Variants in NDUFAB1 observed in about 807,000 individuals in gnomAD.
NDUFAB1 encodes NADH:ubiquinone oxidoreductase subunit AB1, also known as acyl carrier protein, mitochondrial.
NDUFAB1 carries 5 observed loss-of-function variants against 16.1 expected under a neutral mutation model. The ratio of observed to expected loss-of-function variants is 0.31; its 90% CI spans 0.16 to 0.65. The LOEUF is 0.65. Ranked by LOEUF, NDUFAB1 falls within the 30% of genes least tolerant of loss-of-function variation. The pLI, the probability that NDUFAB1 is intolerant of heterozygous loss-of-function variation, is 0.77. For missense variants in NDUFAB1, 187 were observed against 205.3 expected, an observed-to-expected ratio of 0.91 and a Z score of 0.54; for synonymous variants, 85 against 78.4, an observed-to-expected ratio of 1.08 and a Z score of -0.44.
chr16:23,586,053 G>T (rs906175710), intron 2 of NDUFAB1, among the ~76,000 whole-genome samples: 1 of 151,104 alleles, frequency 6.6e-6, no homozygotes, highest in Admixed American at 6.6e-5. Context: ...TCAGACTCCC[G>T]AGTAGCTGGG....
chr16:23,581,486 C>T (rs1966179239), intron 4 of NDUFAB1, among the ~76,000 whole-genome samples: 1 of 149,486 alleles, frequency 6.7e-6, no homozygotes, highest in Non-Finnish European at 1.5e-5. Flanking sequence ...GCGGAGGTTG[C>T]AGTGAGCCGA....
rs370529914 is a variant in NDUFAB1 at position 23,585,376 on chromosome 16, C to T, written c.339G>A (p.Leu113=). The T allele has an allele frequency of 6.2e-6, 10 of 1,613,968 alleles. No homozygotes were observed. Among genetic ancestry groups the T allele is most frequent in the Non-Finnish European group, 7.6e-6 (9 of 1,179,894 alleles). The change falls in exon 3 of 5, where the codon TTG becomes TTA. Residue 113 remains leucine, a synonymous_variant. Transcript: ENST00000007516. ...HFMKDLGLDS[L]DQVEIIMAME... is the part of the protein sequence containing the mutation. Reference sequence around the variant, plus strand: ...TGGCCATGATAATCTCCACTTGGTCCAAACTGTCTAAGCCCAGGTCTTTCA... The same window carrying T: ...TGGCCATGATAATCTCCACTTGGTCTAAACTGTCTAAGCCCAGGTCTTTCA...
intron 1 of NDUFAB1, among the ~76,000 whole-genome samples, chr16:23,592,382 G>C (rs1349953973): frequency 6.6e-6 from 1 of 151,612 alleles, no homozygotes; most frequent in Non-Finnish European, 1.5e-5. Flanking sequence ...CAGTGCCTGT[G>C]TCTATGTGAG....
At chr16:23,584,255 T>TTAAAAAAAAAAAAA (rs1491184220) in intron 3 of NDUFAB1, among the ~76,000 whole-genome samples, 1 of 34,052 alleles carries the variant, frequency 2.9e-5, no homozygotes, top group African/African-American at 1.0e-4. Flanking sequence ...AATGATCAAT[T>TTAAAAAAAAAAAAA]AAAAAAAAAA....
intron 3 of NDUFAB1, among the ~76,000 whole-genome samples, chr16:23,583,314 T>C (rs1966199226): frequency 7.2e-6 from 1 of 138,668 alleles, no homozygotes; most frequent in Non-Finnish European, 1.5e-5. Flanking sequence ...CCGGCCGCCA[T>C]CCTGTCTAGG....
At chr16:23,590,333 C>T (rs1339133510) in intron 1 of NDUFAB1, among the ~76,000 whole-genome samples, 2 of 152,202 alleles carry the variant, frequency 1.3e-5, no homozygotes, top group Non-Finnish European at 2.9e-5. Context: ...TATGCCTGCA[C>T]CATGGTGCTG....
intron 1 of NDUFAB1, among the ~76,000 whole-genome samples, chr16:23,591,722 C>T (rs1463499740): frequency 6.6e-6 from 1 of 152,204 alleles, no homozygotes; most frequent in Non-Finnish European, 1.5e-5. Flanking sequence ...CTTCCAGACA[C>T]CCTAAGAGTC....
At chr16:23,584,248 G>T (rs188556000) in intron 3 of NDUFAB1, among the ~76,000 whole-genome samples, 122 of 4,002 alleles carry the variant, frequency 0.03, 4 homozygotes, top group Middle Eastern at 0.17. Context: ...ACCCAAGAAT[G>T]ATCAATTAAA....
chr16:23,595,633 A>G (rs530557867), intron 1 of NDUFAB1: 2 of 457,250 alleles, frequency 4.4e-6, no homozygotes, highest in East Asian at 1.4e-4. Flanking sequence ...ACACAGGCAG[A>G]AGGTGCTGCA....
intron 1 of NDUFAB1, among the ~76,000 whole-genome samples, chr16:23,590,106 A>G (rs1395904715): frequency 6.6e-6 from 1 of 152,142 alleles, no homozygotes; most frequent in African/African-American, 2.4e-5. Context: ...GGTATATTCT[A>G]TGTTCGTACA....
intron 1 of NDUFAB1, chr16:23,595,286 C>G (rs955599670): frequency 3.4e-6 from 1 of 293,318 alleles, no homozygotes; most frequent in African/African-American, 2.3e-5. Flanking sequence ...ACAACAACAA[C>G]ACCGAAATCA....
intron 2 of NDUFAB1, among the ~76,000 whole-genome samples, chr16:23,585,997 G>A (rs1375409587): frequency 2.0e-5 from 3 of 152,222 alleles, no homozygotes; most frequent in East Asian, 3.9e-4. Flanking sequence ...GCACGATCTC[G>A]GCTCACTGCA....
At chr16:23,586,905 C>T (rs1185180652) in intron 2 of NDUFAB1, among the ~76,000 whole-genome samples, 2 of 152,222 alleles carry the variant, frequency 1.3e-5, no homozygotes, top group East Asian at 1.9e-4. Flanking sequence ...GCCTCGGCCT[C>T]CCAAAGTGCT....
intron 3 of NDUFAB1, among the ~76,000 whole-genome samples, chr16:23,582,858 T>G (rs894047530): frequency 9.2e-5 from 14 of 151,614 alleles, no homozygotes; most frequent in Non-Finnish European, 1.3e-4. Context: ...GGTCTCCCTC[T>G]GATGCCGAGC....
At chr16:23,595,522 G>C in intron 1 of NDUFAB1, 1 of 454,246 alleles carries the variant, frequency 2.2e-6, no homozygotes, top group Non-Finnish European at 4.4e-6. Flanking sequence ...GTCGCGTTTG[G>C]TTGAAAAAAA....
At chr16:23,590,681 G>A (rs984857764) in intron 1 of NDUFAB1, among the ~76,000 whole-genome samples, 6 of 145,138 alleles carry the variant, frequency 4.1e-5, no homozygotes, top group African/African-American at 7.9e-5. Context: ...GTGTTGCCCA[G>A]GCTGGAGTGC....
intron 2 of NDUFAB1, 48 bp downstream of exon 2, chr16:23,587,149 T>G (rs1377603222): frequency 1.3e-6 from 2 of 1,559,032 alleles, no homozygotes; most frequent in Admixed American, 1.8e-5. Flanking sequence ...TAGCATGTAA[T>G]TAAATACTCT....
intron 1 of NDUFAB1, among the ~76,000 whole-genome samples, chr16:23,590,106 A>C (rs1395904715): frequency 6.6e-6 from 1 of 152,144 alleles, no homozygotes; most frequent in Non-Finnish European, 1.5e-5. Flanking sequence ...GGTATATTCT[A>C]TGTTCGTACA....
intron 1 of NDUFAB1, among the ~76,000 whole-genome samples, chr16:23,587,575 G>C (rs1966244946): frequency 6.6e-6 from 1 of 152,162 alleles, no homozygotes; most frequent in South Asian, 2.1e-4. Context: ...CAACCCTCAG[G>C]CTCTGGACAT....
Sources: gnomAD v4.1 joint callset for allele counts (sites outside exome capture counted in the v4.1 genomes callset) on GRCh38, gnomAD v4.1.1 for gene constraint, MANE v1.5 for transcripts, NCBI Gene and HGNC (gene_info 2026-07-23, HGNC 2026-07-21) for gene names.